Variants in FNDC3A observed in about 807,000 individuals in gnomAD.
The protein encoded by FNDC3A is fibronectin type III domain containing 3A.
Under a neutral mutation model 148.9 loss-of-function variants are expected in FNDC3A, and 32 were observed. That is an observed-to-expected ratio of 0.21 (90% CI 0.16 to 0.29). FNDC3A has a LOEUF of 0.29. Ranked by LOEUF, FNDC3A falls within the 10% of genes least tolerant of loss-of-function variation. The pLI, the probability that FNDC3A is intolerant of heterozygous loss-of-function variation, is 1.00. For missense variants in FNDC3A, 1,191 were observed against 1,452.8 expected (o/e 0.82, Z 2.93); for synonymous variants, 472 against 473.6 (o/e 1.00, Z 0.04).
chr13:48,990,511 G>A (rs920107119), intron 1 of FNDC3A, among the ~76,000 whole-genome samples: 14 of 148,126 alleles, frequency 9.5e-5, no homozygotes, highest in Non-Finnish European at 7.4e-5. Flanking sequence ...CAGCACTTTC[G>A]GAGGCCAAGG....
At chr13:49,150,353 C>T (rs1883219253) in intron 8 of FNDC3A, among the ~76,000 whole-genome samples, 1 of 152,088 alleles carries the variant, frequency 6.6e-6, no homozygotes, top group Non-Finnish European at 1.5e-5. Flanking sequence ...ATGTGCATTG[C>T]TAGATTGTTT....
chr13:49,041,145 A>G (rs1029712802), intron 2 of FNDC3A, among the ~76,000 whole-genome samples: 26 of 152,194 alleles, frequency 1.7e-4, no homozygotes, highest in African/African-American at 4.8e-4. Flanking sequence ...TAGCATTTAG[A>G]CAGGGACCTT....
intron 2 of FNDC3A, among the ~76,000 whole-genome samples, chr13:49,040,267 C>A (rs181852034): frequency 4.6e-5 from 7 of 152,312 alleles, no homozygotes; most frequent in Non-Finnish European, 7.4e-5. Context: ...CTCACTAATT[C>A]TATTTATCTC....
intron 1 of FNDC3A, among the ~76,000 whole-genome samples, chr13:48,997,671 C>T (rs1952047572): frequency 6.6e-6 from 1 of 152,116 alleles, no homozygotes; most frequent in South Asian, 2.1e-4. Flanking sequence ...AAAAAGCCAA[C>T]CATGCTAGCA....
At chr13:49,014,863 C>A (rs9535128) in intron 2 of FNDC3A, among the ~76,000 whole-genome samples, 79,926 of 141,758 alleles carry the variant, frequency 0.56, 24,042 homozygotes, top group Non-Finnish European at 0.67. Flanking sequence ...GGAATCCTTT[C>A]CCCATTGCTT....
chr13:49,084,653 C>T (rs1878688500), intron 3 of FNDC3A, among the ~76,000 whole-genome samples: 1 of 152,050 alleles, frequency 6.6e-6, no homozygotes, highest in Non-Finnish European at 1.5e-5. Flanking sequence ...TTTTCTCATA[C>T]CTCACGCTGC....
At chr13:49,160,418 A>T (rs1215627456) in intron 8 of FNDC3A, among the ~76,000 whole-genome samples, 1 of 152,140 alleles carries the variant, frequency 6.6e-6, no homozygotes, top group Non-Finnish European at 1.5e-5. Flanking sequence ...AGGTGTTTAT[A>T]GTATTCTCTG....
intron 3 of FNDC3A, among the ~76,000 whole-genome samples, chr13:49,089,496 C>A (rs531308001): frequency 6.6e-6 from 1 of 152,098 alleles, no homozygotes; most frequent in Admixed American, 6.6e-5. Context: ...GAAAAGAGGG[C>A]CTTTCTGGAA....
At chr13:49,044,800 C>T in intron 2 of FNDC3A, 1 of 421,624 alleles carries the variant, frequency 2.4e-6, no homozygotes, top group Non-Finnish European at 4.7e-6. Flanking sequence ...CTTTTGTTGC[C>T]AGGCCATTTT....
At chr13:49,029,086 A>G (rs1264910177) in intron 2 of FNDC3A, among the ~76,000 whole-genome samples, 1 of 152,092 alleles carries the variant, frequency 6.6e-6, no homozygotes, top group Admixed American at 6.5e-5. Context: ...TGGTCCTCCC[A>G]CCTTAACCTC....
chr13:49,123,389 A>G (rs143395938), intron 4 of FNDC3A, among the ~76,000 whole-genome samples: 29 of 152,306 alleles, frequency 1.9e-4, no homozygotes, highest in Non-Finnish European at 3.5e-4. Flanking sequence ...TAAAACCGTA[A>G]AAACCCTAGA....
chr13:49,109,230 A>G (rs1030188361), intron 3 of FNDC3A, among the ~76,000 whole-genome samples: 1 of 152,188 alleles, frequency 6.6e-6, no homozygotes, highest in Non-Finnish European at 1.5e-5. Context: ...ATACTTTTAC[A>G]TATTATAACT....
At chr13:49,103,006 C>A (rs143677674) in intron 3 of FNDC3A, among the ~76,000 whole-genome samples, 1 of 152,326 alleles carries the variant, frequency 6.6e-6, no homozygotes, top group African/African-American at 2.4e-5. Context: ...AGCACTAGCA[C>A]TGTGCTTAGG....
chr13:49,088,000 G>C (rs1878925061), intron 3 of FNDC3A, among the ~76,000 whole-genome samples: 1 of 152,082 alleles, frequency 6.6e-6, no homozygotes, highest in African/African-American at 2.4e-5. Flanking sequence ...GCTATGATCA[G>C]ATTTTTATTA....
chr13:49,201,861 A>G lies in FNDC3A; in HGVS notation c.3049A>G (p.Thr1017Ala), dbSNP rs45604939. Reference sequence around the variant, plus strand: ...CAAAGTACAAAGACTTAATGAGTCAACATCCTATAAATTCTGTATTCAAGC... The same window carrying G: ...CAAAGTACAAAGACTTAATGAGTCAGCATCCTATAAATTCTGTATTCAAGC... The part of the protein sequence containing the change: ...TYKVQRLNES[T>A]SYKFCIQACN... Residue 1017 changes from threonine (T) to alanine (A), a missense_variant, in exon 24 of 26, where the codon ACA becomes GCA. Transcript: ENST00000492622. The G allele has an allele frequency of 0.06, 94,981 of 1,591,844 alleles. 3,224 individuals are homozygous for G. Among genetic ancestry groups the G allele is most frequent in the Non-Finnish European group, 0.068 (79,218 of 1,165,750 alleles).
chr13:49,099,514 TAAATAAATAAATATGAGG>T (rs999474081), intron 3 of FNDC3A, among the ~76,000 whole-genome samples: 1 of 152,096 alleles, frequency 6.6e-6, no homozygotes, highest in African/African-American at 2.4e-5. Flanking sequence ...GCATATAGGT[TAAATAAATAAATATGAGG>T]AAATTAAATA....
chr13:49,142,459 C>T (rs1882743435), intron 7 of FNDC3A, among the ~76,000 whole-genome samples: 3 of 152,124 alleles, frequency 2.0e-5, no homozygotes, highest in Admixed American at 6.6e-5. Flanking sequence ...TATTATTTCA[C>T]TATAAGTTTA....
chr13:49,184,387 TAC>T (rs1302119832), intron 14 of FNDC3A, among the ~76,000 whole-genome samples: 2 of 152,176 alleles, frequency 1.3e-5, no homozygotes, highest in East Asian at 1.9e-4. Flanking sequence ...GTGGTATAAT[TAC>T]AGTCACTCAG....
chr13:49,134,741 AT>A (rs748273950), intron 5 of FNDC3A, among the ~76,000 whole-genome samples: 77 of 136,332 alleles, frequency 5.6e-4, no homozygotes, highest in Middle Eastern at 4.2e-3. Flanking sequence ...CTTTTCCCTA[AT>A]GCTACTAATG....
Sources: allele counts gnomAD v4.1 joint callset (sites outside exome capture counted in the v4.1 genomes callset), GRCh38; gene constraint gnomAD v4.1.1; transcripts MANE v1.5; gene names NCBI Gene and HGNC (gene_info 2026-07-23, HGNC 2026-07-21).